CFAP20DC: variants seen among roughly 807,000 people sequenced by gnomAD.
CFAP20DC encodes the protein protein CFAP20DC.
CFAP20DC carries 84 observed loss-of-function variants against 101.7 expected under a neutral mutation model. That is an observed-to-expected ratio of 0.83 (90% CI 0.69 to 0.99). The LOEUF (loss-of-function observed/expected upper bound fraction) is 0.99, where lower values mean the gene tolerates loss of function less well. Ranked by LOEUF, CFAP20DC falls within the 50% of genes least tolerant of loss-of-function variation. The probability of loss-of-function intolerance (pLI) is 0.00; values close to 1 mark genes in which losing one functional copy is unlikely to be tolerated. For missense variants in CFAP20DC, 1,007 were observed against 970.3 expected, an observed-to-expected ratio of 1.04 and a Z score of -0.50; for synonymous variants, 359 against 351.2, an observed-to-expected ratio of 1.02 and a Z score of -0.25.
chr3:59,024,735 A>C (rs1419975108), intron 4 of CFAP20DC, among the ~76,000 whole-genome samples: 1 of 152,226 alleles, frequency 6.6e-6, no homozygotes, highest in East Asian at 1.9e-4. Flanking sequence ...ATGCCAAATG[A>C]CTTCATAAGA....
At position 58,971,886 on chromosome 3, in the gene CFAP20DC, C is replaced by CAA. The variant is rs1205396789; in HGVS notation, c.279-34125_279-34124insTT. Among the ~76,000 whole-genome samples, 1 of 151,744 alleles carries CAA rather than the reference C, an allele frequency of 6.6e-6. No individual in the cohort carries two copies. Among genetic ancestry groups the CAA allele is most frequent in the Non-Finnish European group, 1.5e-5 (1 of 67,920 alleles). ...ACATACACACACACACACACACACA[C>CAA]ACACACAATTAAGCTCTAGAGGTAC... On this transcript the variant is annotated intron_variant, in intron 4 of 16. Coordinates refer to ENST00000482387, the MANE Select transcript of CFAP20DC (RefSeq NM_001394063.1). This position sits in a 1 kb window ranked among gnomAD's most constrained non-coding sequence, Gnocchi z 4.1.
At chr3:58,758,414 T>A (rs7624292) in intron 15 of CFAP20DC, among the ~76,000 whole-genome samples, 2 of 151,784 alleles carry the variant, frequency 1.3e-5, no homozygotes, top group Non-Finnish European at 2.9e-5. Context: ...TTTCGTGGGT[T>A]GGCTTCTTAC....
intron 5 of CFAP20DC, among the ~76,000 whole-genome samples, chr3:58,930,558 G>A (rs1249816302): frequency 6.6e-6 from 1 of 152,190 alleles, no homozygotes; most frequent in Admixed American, 6.5e-5. Flanking sequence ...TCCTAACTAT[G>A]ACAGGGAGAA....
In CFAP20DC at chr3:59,047,132, CTGATTTA is replaced by C. The variant is rs1218101728; in HGVS notation, c.111+26_111+32del. ...ATAAGCTTCACTCACATTTCTTCCC[CTGATTTA>C]TGTGGCTCTAATTTCTAATACTTAC... On this transcript the variant is annotated intron_variant, in intron 2 of 16. Coordinates refer to ENST00000482387, the MANE Select transcript of CFAP20DC (RefSeq NM_001394063.1). 3 of 1,357,026 alleles carry C rather than the reference CTGATTTA, an allele frequency of 2.2e-6. No individual in the cohort carries two copies. In the East Asian group the frequency reaches 7.5e-5, roughly 34 times the overall value. 84.1% of individuals were successfully genotyped at this position (1,357,026 alleles called of 1,614,324 possible).
At chr3:58,768,311 G>C (rs1451895725) in intron 15 of CFAP20DC, among the ~76,000 whole-genome samples, 1 of 152,206 alleles carries the variant, frequency 6.6e-6, no homozygotes, top group Non-Finnish European at 1.5e-5. Flanking sequence ...ACTCTGAAGA[G>C]AGAATGAGGA....
intron 15 of CFAP20DC, among the ~76,000 whole-genome samples, chr3:58,768,119 C>T (rs2070489498): frequency 1.3e-5 from 2 of 152,178 alleles, no homozygotes; most frequent in African/African-American, 4.8e-5. Flanking sequence ...AAGCACATGG[C>T]TTTCTGGAGC....
intron 3 of CFAP20DC, among the ~76,000 whole-genome samples, chr3:58,718,664 C>T (rs1351684065): frequency 6.6e-6 from 1 of 152,246 alleles, no homozygotes; most frequent in Non-Finnish European, 1.5e-5. Flanking sequence ...GCCTCTCCAT[C>T]TGTTTCCTTT....
At chr3:58,938,234 C>T (rs777368353) in intron 4 of CFAP20DC, among the ~76,000 whole-genome samples, 8 of 152,166 alleles carry the variant, frequency 5.3e-5, no homozygotes, top group Non-Finnish European at 8.8e-5. Context: ...CCCTGGCTGT[C>T]GGTTTCACTT....
chr3:58,840,281 G>C (rs564741614), intron 13 of CFAP20DC, among the ~76,000 whole-genome samples: 1 of 152,292 alleles, frequency 6.6e-6, no homozygotes, highest in South Asian at 2.1e-4. Flanking sequence ...AAAGCTATTG[G>C]TAGGAGTGTC....
rs1402163388 is a variant in CFAP20DC, at chr3:58,914,778, G to A, written c.394-914C>T. The A allele has an allele frequency of 6.6e-6, 1 of 151,428 alleles. No individual in the cohort carries two copies. Among genetic ancestry groups the A allele is most frequent in the Non-Finnish European group, 1.5e-5 (1 of 67,920 alleles). The allele number at this position is 151,428 out of a possible 1,614,324, so 9.4% of individuals were successfully genotyped here. A position where few individuals can be genotyped will look rare whatever the true frequency, so the allele number is the denominator to read the frequency against. On this transcript the variant is annotated intron_variant, in intron 5 of 16. Coordinates refer to ENST00000482387, the MANE Select transcript of CFAP20DC (RefSeq NM_001394063.1). The surrounding 1 kb of genome is among the most constrained non-coding windows in gnomAD (Gnocchi z 4.9). ...AGGTGAACCTTAGGTTGCTTCCACA[G>A]TAGAAAAAGTAAAAGAGACCGAAAT... is the stretch of plus-strand genomic sequence containing the variant.
intron 12 of CFAP20DC, among the ~76,000 whole-genome samples, chr3:58,858,349 T>C (rs1157630105): frequency 6.6e-6 from 1 of 152,206 alleles, no homozygotes; most frequent in African/African-American, 2.4e-5. Flanking sequence ...AAGATGAGAA[T>C]GATTTCCCCA....
At chr3:58,796,591 G>A (rs180767644) in intron 15 of CFAP20DC, among the ~76,000 whole-genome samples, 182 of 152,302 alleles carry the variant, frequency 1.2e-3, no homozygotes, top group Middle Eastern at 3.4e-3. Context: ...GGGGTGGGGA[G>A]TCAGTTAAAT....
In CFAP20DC at chr3:58,871,885, C is replaced by A. The variant is rs572326292; in HGVS notation, c.716-1576G>T. On this transcript the variant is annotated intron_variant, in intron 7 of 16. Transcript: ENST00000482387. The stretch of plus-strand genomic sequence containing the variant: ...AGAAGTTTCAGCCATTTCCTGGCCC[C>A]CAAAACTCCCAGCAGAATCCCCCAT... Among the ~76,000 whole-genome samples the A allele has an allele frequency of 7.9e-5, 12 of 152,136 alleles. No individual in the cohort carries two copies. In the South Asian group the frequency reaches 2.5e-3, roughly 32 times the overall value.
rs2073170676 is a variant in CFAP20DC, at chr3:58,795,457, G to A, written c.2237+10938C>T. 6.6e-6 allele frequency among the ~76,000 whole-genome samples: 1 copy of A among 152,132 alleles called. No homozygotes were observed. The highest frequency in any genetic ancestry group is 2.4e-5 in the African/African-American group (1 of 41,426). Reference sequence around the variant, plus strand: ...GAGTACGAGACCAGCTTGGGCAACAGGGCAAGACCCCATTTCTACAAAAAA... The same window carrying A: ...GAGTACGAGACCAGCTTGGGCAACAAGGCAAGACCCCATTTCTACAAAAAA... On this transcript the variant is annotated intron_variant, in intron 15 of 16. Coordinates refer to ENST00000482387, the MANE Select transcript of CFAP20DC (RefSeq NM_001394063.1). The surrounding 1 kb of genome is among the most constrained non-coding windows in gnomAD (Gnocchi z 4.2).
intron 4 of CFAP20DC, among the ~76,000 whole-genome samples, chr3:58,965,735 AAT>A (rs1287144854): frequency 6.6e-6 from 1 of 152,226 alleles, no homozygotes; most frequent in Non-Finnish European, 1.5e-5. Context: ...TTATTAAAAT[AAT>A]GTTTCTAAAT....
intron 5 of CFAP20DC, among the ~76,000 whole-genome samples, chr3:58,934,242 T>C (rs920657615): frequency 3.3e-5 from 5 of 152,218 alleles, no homozygotes; most frequent in African/African-American, 9.6e-5. Flanking sequence ...AATCTCTGAA[T>C]AGACCAATAA....
chr3:59,027,636 A>G (rs539978862), intron 4 of CFAP20DC, among the ~76,000 whole-genome samples: 13 of 152,360 alleles, frequency 8.5e-5, no homozygotes, highest in African/African-American at 3.1e-4. Flanking sequence ...GATGAATACA[A>G]TTCCTGTCAA....
chr3:58,734,801 C>G (rs1026831730), intron 3 of CFAP20DC, among the ~76,000 whole-genome samples: 1 of 152,162 alleles, frequency 6.6e-6, no homozygotes, highest in Non-Finnish European at 1.5e-5. Context: ...GCCCAAAGCA[C>G]TTACCATTCA....
intron 13 of CFAP20DC, among the ~76,000 whole-genome samples, chr3:58,834,684 A>G (rs936216361): frequency 6.6e-6 from 1 of 152,146 alleles, no homozygotes; most frequent in Non-Finnish European, 1.5e-5. Context: ...TGGGGACCAC[A>G]GTACATACCT....
Sources: gnomAD v4.1 joint callset for allele counts (sites outside exome capture counted in the v4.1 genomes callset) on GRCh38, gnomAD v4.1.1 for gene constraint, Gnocchi (gnomAD v3.1) non-coding constraint, MANE v1.5 for transcripts, NCBI Gene and HGNC (gene_info 2026-07-23, HGNC 2026-07-21) for gene names.